The following SHROOM3 variants were observed in gnomAD, a reference collection of about 807,000 sequenced individuals.
SHROOM3 encodes protein Shroom3.
SHROOM3 carries 47 observed loss-of-function variants against 138.6 expected under a neutral mutation model. The ratio of observed to expected loss-of-function variants is 0.34; its 90% CI spans 0.27 to 0.43. The LOEUF (loss-of-function observed/expected upper bound fraction) is 0.43. SHROOM3 is among the 20% of genes least tolerant of loss of function. The pLI is 1.00. For missense variants in SHROOM3, 2,491 were observed against 2,596.5 expected (o/e 0.96, Z 0.88); for synonymous variants, 1,062 against 1,063.3 (o/e 1.00, Z 0.02).
chr4:76,585,513 C>A (rs765898652), intron 2 of SHROOM3, among the ~76,000 whole-genome samples: 5 of 152,138 alleles, frequency 3.3e-5, no homozygotes, highest in South Asian at 2.1e-4. Context: ...CTTATCCATA[C>A]AGCTGCGAAG....
chr4:76,490,319 C>G (rs1042274319), intron 1 of SHROOM3, among the ~76,000 whole-genome samples: 2 of 152,148 alleles, frequency 1.3e-5, no homozygotes, highest in African/African-American at 2.4e-5. Context: ...AAGACTTGAC[C>G]GGCAATCAGT....
intron 2 of SHROOM3, 81 bp from the exon 3 acceptor site, chr4:76,710,075 T>C (rs1483671111): frequency 6.2e-7 from 1 of 1,602,116 alleles, no homozygotes. Flanking sequence ...TTTCATGTGC[T>C]TTTTCGGTTT....
intron 6 of SHROOM3, among the ~76,000 whole-genome samples, chr4:76,750,703 T>G (rs1453657173): frequency 6.6e-6 from 1 of 151,352 alleles, no homozygotes; most frequent in Non-Finnish European, 1.5e-5. Flanking sequence ...AGGTGACAGG[T>G]GAGGGGGGCT....
At chr4:76,689,327 G>A (rs1719429130) in intron 2 of SHROOM3, among the ~76,000 whole-genome samples, 1 of 151,868 alleles carries the variant, frequency 6.6e-6, no homozygotes, top group Admixed American at 6.6e-5. Flanking sequence ...AATCCGGGAG[G>A]CTTCCTGTGG....
chr4:76,436,833 G>A (rs1386020128), intron 1 of SHROOM3, among the ~76,000 whole-genome samples: 1 of 152,062 alleles, frequency 6.6e-6, no homozygotes, highest in Admixed American at 6.6e-5. Context: ...TTTGGTGTGG[G>A]TAGTCATACC....
intron 10 of SHROOM3, among the ~76,000 whole-genome samples, chr4:76,771,881 C>T (rs370463008): frequency 3.9e-5 from 6 of 152,110 alleles, no homozygotes; most frequent in African/African-American, 9.7e-5. Context: ...GGGGGTCTAG[C>T]GTGTGTCACT....
At chr4:76,567,415 C>A (rs1033616134) in intron 2 of SHROOM3, among the ~76,000 whole-genome samples, 16 of 152,080 alleles carry the variant, frequency 1.1e-4, no homozygotes, top group African/African-American at 3.9e-4. Flanking sequence ...CTTCGGGAGT[C>A]CAAGGCGGGT....
intron 2 of SHROOM3, among the ~76,000 whole-genome samples, chr4:76,675,354 A>T (rs1719001656): frequency 2.6e-5 from 4 of 152,232 alleles, no homozygotes; most frequent in Admixed American, 2.6e-4. Context: ...AATTCATGAT[A>T]TTGAAGTACC....
intron 2 of SHROOM3, among the ~76,000 whole-genome samples, chr4:76,709,067 A>G (rs1479494176): frequency 6.6e-6 from 1 of 152,222 alleles, no homozygotes; most frequent in African/African-American, 2.4e-5. Flanking sequence ...GCTGTAGAAT[A>G]AAAAGAGATC....
chr4:76,443,777 C>A (rs1183022196), intron 1 of SHROOM3, among the ~76,000 whole-genome samples: 2 of 152,226 alleles, frequency 1.3e-5, no homozygotes, highest in African/African-American at 2.4e-5. Context: ...TCAGAGGAAG[C>A]TTTCCTGATT....
rs1004584024 is a variant in SHROOM3, at chr4:76,757,102, T to G, written c.5198+165T>G. The G allele has an allele frequency of 1.7e-4, 170 of 1,021,504 alleles. No homozygotes were observed. The East Asian group carries it at 4.4e-3, about 26-fold the overall frequency. 63.3% of individuals were successfully genotyped at this position (1,021,504 alleles called of 1,614,324 possible). Reference sequence around the variant, plus strand: ...GGAGGAATGGCTCTGGCAGTGAGGATGTGGGACAGATATGCAACAACAAAG... The same window carrying G: ...GGAGGAATGGCTCTGGCAGTGAGGAGGTGGGACAGATATGCAACAACAAAG... On this transcript the variant is annotated intron_variant, in intron 8 of 10. Transcript: ENST00000296043.
chr4:76,545,452 T>C (rs887610813), intron 1 of SHROOM3, among the ~76,000 whole-genome samples: 8 of 152,224 alleles, frequency 5.3e-5, no homozygotes, highest in African/African-American at 1.7e-4. Flanking sequence ...CTTCCTGCTC[T>C]GGGACCTCTC....
intron 2 of SHROOM3, among the ~76,000 whole-genome samples, chr4:76,706,170 GGA>G (rs1370218119): frequency 6.6e-6 from 1 of 152,104 alleles, no homozygotes; most frequent in Non-Finnish European, 1.5e-5. Context: ...TTGCCAGGCT[GGA>G]GTGCAGAGCT....
At chr4:76,541,436 G>C (rs1389458489) in intron 1 of SHROOM3, among the ~76,000 whole-genome samples, 6 of 152,192 alleles carry the variant, frequency 3.9e-5, no homozygotes, top group Admixed American at 6.5e-5. Flanking sequence ...AAAGGGGATT[G>C]AGGCATGGCT....
chr4:76,447,550 T>C (rs1730839593), intron 1 of SHROOM3, among the ~76,000 whole-genome samples: 1 of 152,166 alleles, frequency 6.6e-6, no homozygotes, highest in Non-Finnish European at 1.5e-5. Context: ...AGATAGACAA[T>C]TAAAAGAATA....
At chr4:76,765,932 G>A (rs1013601643) in intron 9 of SHROOM3, among the ~76,000 whole-genome samples, 3 of 152,124 alleles carry the variant, frequency 2.0e-5, no homozygotes, top group Non-Finnish European at 2.9e-5. Flanking sequence ...CATGGTTTTC[G>A]TTATTTCTGT....
At chr4:76,764,417 T>C (rs995224458) in intron 9 of SHROOM3, among the ~76,000 whole-genome samples, 2 of 152,246 alleles carry the variant, frequency 1.3e-5, no homozygotes, top group Non-Finnish European at 2.9e-5. Flanking sequence ...TTCCTCTGAG[T>C]CAGCTTTTCT....
chr4:76,763,409 T>C (rs1372999319), intron 9 of SHROOM3, among the ~76,000 whole-genome samples: 1 of 150,408 alleles, frequency 6.6e-6, no homozygotes, highest in Non-Finnish European at 1.5e-5. Flanking sequence ...ATTAAAAAAC[T>C]AAAAAATTAG....
chr4:76,687,088 C>T (rs1719364017), intron 2 of SHROOM3, among the ~76,000 whole-genome samples: 1 of 152,162 alleles, frequency 6.6e-6, no homozygotes, highest in South Asian at 2.1e-4. Flanking sequence ...TTAAAAACGT[C>T]TTTTGAAAAG....
Sources: allele counts gnomAD v4.1 joint callset (sites outside exome capture counted in the v4.1 genomes callset), GRCh38; gene constraint gnomAD v4.1.1; transcripts MANE v1.5; gene names NCBI Gene and HGNC (gene_info 2026-07-23, HGNC 2026-07-21).